CACNA2D1: variants seen among roughly 807,000 people sequenced by gnomAD.
The protein encoded by CACNA2D1 is calcium voltage-gated channel auxiliary subunit alpha2delta 1.
A neutral mutation model predicts 171.5 loss-of-function variants in CACNA2D1; 53 were observed. The ratio of observed to expected loss-of-function variants is 0.31; its 90% CI spans 0.25 to 0.39. The LOEUF (loss-of-function observed/expected upper bound fraction) is 0.39. CACNA2D1 is among the 10% of genes least tolerant of loss of function. The pLI is 1.00. For synonymous variants in CACNA2D1, 442 were observed against 443.1 expected (o/e 1.00, Z 0.03); for missense variants, 903 against 1,299.8 (o/e 0.69, Z 4.69).
chr7:82,111,549 A>G (rs1157632199), intron 6 of CACNA2D1, among the ~76,000 whole-genome samples: 1 of 148,528 alleles, frequency 6.7e-6, no homozygotes, highest in Non-Finnish European at 1.5e-5. Flanking sequence ...CTGGGCTCAC[A>G]TGAACCTCCA....
chr7:82,018,534 C>T (rs989123811), intron 12 of CACNA2D1, among the ~76,000 whole-genome samples: 1 of 152,082 alleles, frequency 6.6e-6, no homozygotes, highest in Non-Finnish European at 1.5e-5. Flanking sequence ...GACATCCTTA[C>T]TGGAGGTAAA....
intron 4 of CACNA2D1, among the ~76,000 whole-genome samples, chr7:82,161,332 G>C (rs1312110202): frequency 6.6e-6 from 1 of 151,992 alleles, no homozygotes; most frequent in Non-Finnish European, 1.5e-5. Flanking sequence ...TTTTGGGGTA[G>C]CATGTACTGA....
intron 2 of CACNA2D1, among the ~76,000 whole-genome samples, chr7:82,341,555 A>G (rs1000475470): frequency 6.6e-6 from 1 of 152,212 alleles, no homozygotes; most frequent in Non-Finnish European, 1.5e-5. Context: ...AAAATAATAA[A>G]TGATGTAATC....
At chr7:81,954,415 A>T (rs1792974600) in intron 38 of CACNA2D1, among the ~76,000 whole-genome samples, 1 of 152,008 alleles carries the variant, frequency 6.6e-6, no homozygotes, top group Non-Finnish European at 1.5e-5. Flanking sequence ...AGAATTCTTT[A>T]TTCCTTTCTC....
chr7:82,417,139 A>G (rs1202769905), intron 1 of CACNA2D1, among the ~76,000 whole-genome samples: 1 of 152,206 alleles, frequency 6.6e-6, no homozygotes, highest in Non-Finnish European at 1.5e-5. Flanking sequence ...AGTAATATAT[A>G]ATCCAAATTT....
At chr7:82,434,043 A>C (rs1829922344) in intron 1 of CACNA2D1, among the ~76,000 whole-genome samples, 1 of 152,210 alleles carries the variant, frequency 6.6e-6, no homozygotes, top group Non-Finnish European at 1.5e-5. Context: ...GAGAAAGCAT[A>C]ATCCCTCGCA....
chr7:82,064,397 T>G, intron 8 of CACNA2D1, 43 bp from the exon 9 acceptor site: 1 of 1,408,654 alleles, frequency 7.1e-7, no homozygotes, highest in Non-Finnish European at 1.0e-6. Flanking sequence ...TTCCAAAATA[T>G]CAAACACTGA....
intron 3 of CACNA2D1, among the ~76,000 whole-genome samples, chr7:82,197,010 T>G (rs1299712226): frequency 6.6e-6 from 1 of 152,010 alleles, no homozygotes; most frequent in African/African-American, 2.4e-5. Context: ...TCATGTAATT[T>G]TTTTAAAGTC....
intron 3 of CACNA2D1, among the ~76,000 whole-genome samples, chr7:82,254,230 C>T (rs919473680): frequency 6.6e-6 from 1 of 151,660 alleles, no homozygotes; most frequent in East Asian, 1.9e-4. Flanking sequence ...CAGCATAAAT[C>T]CTGTGTTTTC....
At chr7:82,005,571 T>C in intron 17 of CACNA2D1, 74 bp from the exon 18 acceptor site, 3 of 983,460 alleles carry the variant, frequency 3.1e-6, no homozygotes, top group Non-Finnish European at 4.7e-6. Flanking sequence ...TTTAAATACA[T>C]AATGTATTAA....
chr7:82,256,287 C>A (rs897827065), intron 3 of CACNA2D1, among the ~76,000 whole-genome samples: 1 of 151,786 alleles, frequency 6.6e-6, no homozygotes, highest in Non-Finnish European at 1.5e-5. Context: ...GAGTAAGACT[C>A]CATCTCAAAA....
intron 3 of CACNA2D1, among the ~76,000 whole-genome samples, chr7:82,279,144 G>C (rs1045760869): frequency 4.6e-5 from 7 of 152,178 alleles, no homozygotes; most frequent in Non-Finnish European, 8.8e-5. Flanking sequence ...TTTGGAGAAA[G>C]AATAGAATTT....
intron 3 of CACNA2D1, among the ~76,000 whole-genome samples, chr7:82,325,907 G>A (rs1244344497): frequency 6.6e-6 from 1 of 152,112 alleles, no homozygotes; most frequent in African/African-American, 2.4e-5. Context: ...CCCCATGTCT[G>A]GATAGGTTTC....
intron 22 of CACNA2D1, among the ~76,000 whole-genome samples, chr7:81,983,798 T>G (rs1447592369): frequency 6.6e-6 from 1 of 152,066 alleles, no homozygotes. Flanking sequence ...CCAGGCCTGA[T>G]GCGGGCAAAA....
chr7:82,065,085 C>T (rs1345463427), intron 8 of CACNA2D1, among the ~76,000 whole-genome samples: 1 of 150,378 alleles, frequency 6.6e-6, no homozygotes, highest in Non-Finnish European at 1.5e-5. Context: ...GGCCTGACTT[C>T]TCCGACAGGA....
chr7:82,127,903 G>A (rs1391341867), intron 5 of CACNA2D1, among the ~76,000 whole-genome samples: 1 of 151,936 alleles, frequency 6.6e-6, no homozygotes, highest in Non-Finnish European at 1.5e-5. Flanking sequence ...AGTTATACCT[G>A]CATAGTTTGT....
At chr7:82,255,883 C>G (rs1806238213) in intron 3 of CACNA2D1, among the ~76,000 whole-genome samples, 1 of 152,160 alleles carries the variant, frequency 6.6e-6, no homozygotes, top group Non-Finnish European at 1.5e-5. Context: ...GTGAAATAGT[C>G]ATTCTGGGTT....
At chr7:82,157,780 G>A (rs906630292) in intron 4 of CACNA2D1, among the ~76,000 whole-genome samples, 1 of 152,010 alleles carries the variant, frequency 6.6e-6, no homozygotes, top group Non-Finnish European at 1.5e-5. Context: ...TCTCCTGAGT[G>A]TAACTAATGC....
Position 82,111,412 on chromosome 7 carries a change from A to G in CACNA2D1, c.526+5632T>C, listed in dbSNP as rs1368113425. 8.8e-3 allele frequency among the ~76,000 whole-genome samples: 757 copies of G among 85,938 alleles called. 34 individuals carry two copies. The highest frequency in any genetic ancestry group is 0.03 in the African/African-American group (721 of 24,284). The allele number at this position is 85,938 out of a possible 152,430, so 56.4% of individuals were successfully genotyped here. ...TATATATGTATATATATATTCATATATGTGTATATATGTGTGTATATATAT... is the reference window on the plus strand; with the variant it reads ...TATATATGTATATATATATTCATATGTGTGTATATATGTGTGTATATATAT... On this transcript the variant is annotated intron_variant, in intron 6 of 38. Transcript: ENST00000356860.
Sources: allele counts gnomAD v4.1 joint callset (sites outside exome capture counted in the v4.1 genomes callset), GRCh38; gene constraint gnomAD v4.1.1; transcripts MANE v1.5; gene names NCBI Gene and HGNC (gene_info 2026-07-23, HGNC 2026-07-21).